The following MYO5B variants were observed in gnomAD, a reference collection of about 807,000 sequenced individuals.
The protein encoded by MYO5B is myosin VB.
A neutral mutation model predicts 229.3 loss-of-function variants in MYO5B; 143 were observed. That is an observed-to-expected ratio of 0.62 (90% CI 0.54 to 0.72). The LOEUF (loss-of-function observed/expected upper bound fraction) is 0.72. Among genes scored for constraint, MYO5B ranks in the 30% least tolerant of loss-of-function variants. MYO5B has a pLI of 0.00. For synonymous variants in MYO5B, 918 were observed against 885.2 expected (o/e 1.04, Z -0.66); for missense variants, 2,321 against 2,331.0 (o/e 1.00, Z 0.09).
At chr18:50,061,825 C>G (rs1466283557) in intron 1 of MYO5B, among the ~76,000 whole-genome samples, 1 of 152,206 alleles carries the variant, frequency 6.6e-6, no homozygotes, top group Admixed American at 6.5e-5. Context: ...CATTTGAAAC[C>G]TGCACTCCCT....
In MYO5B at chr18:49,934,024, C is replaced by T. The variant is rs372645984; in HGVS notation, c.2003+2228G>A. On this transcript the variant is annotated intron_variant, in intron 16 of 39. Coordinates refer to ENST00000285039, the MANE Select transcript of MYO5B (RefSeq NM_001080467.3). Reference sequence around the variant, plus strand: ...TGGAGTAGCTGGGACTATAGGCATGCACCACCATGCCCAGCTAATTTTAAA... The same window carrying T: ...TGGAGTAGCTGGGACTATAGGCATGTACCACCATGCCCAGCTAATTTTAAA... Among the ~76,000 whole-genome samples, 40 of 152,234 alleles carry T rather than the reference C, an allele frequency of 2.6e-4. 1 individual carries two copies. In the South Asian group the frequency reaches 6.2e-3, roughly 24 times the overall value.
chr18:50,049,356 C>G (rs1741142449), intron 2 of MYO5B, among the ~76,000 whole-genome samples: 1 of 152,204 alleles, frequency 6.6e-6, no homozygotes. Context: ...TGAAAAGCTA[C>G]TGATAAACTG....
intron 22 of MYO5B, among the ~76,000 whole-genome samples, chr18:49,886,670 G>T (rs1241707861): frequency 3.3e-5 from 5 of 151,876 alleles, no homozygotes; most frequent in Admixed American, 6.6e-5. Context: ...AATATTTATT[G>T]CCTATAATAA....
chr18:49,848,717 A>G (rs1439846011), intron 32 of MYO5B, among the ~76,000 whole-genome samples: 2 of 152,098 alleles, frequency 1.3e-5, no homozygotes, highest in African/African-American at 4.8e-5. Context: ...CTTTAGGAGT[A>G]AGCAAAGCTT....
chr18:50,057,368 T>C (rs1420296725), intron 1 of MYO5B, among the ~76,000 whole-genome samples: 1 of 152,210 alleles, frequency 6.6e-6, no homozygotes, highest in Non-Finnish European at 1.5e-5. Context: ...AAGTCTCCAC[T>C]CCATGTAAAT....
rs2024852817 is a variant in MYO5B at position 49,902,493 on chromosome 18, G to C, written c.2811+101C>G. 6 of 1,533,740 alleles carry C rather than the reference G, an allele frequency of 3.9e-6. No homozygotes were observed. The Admixed American group carries it at 8.4e-5, about 21-fold the overall frequency. On this transcript the variant is annotated intron_variant, in intron 21 of 39. Coordinates refer to ENST00000285039, the MANE Select transcript of MYO5B (RefSeq NM_001080467.3). ...GTCTGAGGACGTCTGTGCTCCCTCG[G>C]GTCTTCGGCATGTGCAGTTCCTCAA... is the stretch of plus-strand genomic sequence containing the variant.
intron 1 of MYO5B, among the ~76,000 whole-genome samples, chr18:50,065,428 C>T (rs184847953): frequency 1.3e-5 from 2 of 152,284 alleles, no homozygotes; most frequent in African/African-American, 2.4e-5. Flanking sequence ...AGGAAACTTA[C>T]AATCATGGCG....
At chr18:49,952,017 C>T (rs539433299) in intron 14 of MYO5B, among the ~76,000 whole-genome samples, 1 of 152,284 alleles carries the variant, frequency 6.6e-6, no homozygotes, top group South Asian at 2.1e-4. Flanking sequence ...CCAATTTGTC[C>T]CAGTGATGAC....
At chr18:49,909,689 G>A (rs1359556864) in intron 18 of MYO5B, among the ~76,000 whole-genome samples, 1 of 152,228 alleles carries the variant, frequency 6.6e-6, no homozygotes, top group Non-Finnish European at 1.5e-5. Context: ...ACACAATAAA[G>A]GAAGGGAGGA....
chr18:50,092,833 G>C (rs907844118), intron 1 of MYO5B, among the ~76,000 whole-genome samples: 24 of 152,186 alleles, frequency 1.6e-4, no homozygotes, highest in African/African-American at 5.8e-4. Flanking sequence ...TAAATGTCAA[G>C]AGTGTTAGAC....
At position 49,904,707 on chromosome 18, in the gene MYO5B, T is replaced by C. The variant is rs1407662748; in HGVS notation, c.2536A>G (p.Thr846Ala). The C allele has an allele frequency of 6.2e-7, 1 of 1,613,920 alleles. No homozygotes were observed. The highest frequency in any genetic ancestry group is 1.7e-5 in the Admixed American group (1 of 60,032). Residue 846 changes from threonine (T) to alanine (A), a missense_variant, in exon 20 of 40, where the codon ACC becomes GCC. Thr to Ala is a moderately conservative substitution (Grantham distance 58, BLOSUM62 0). Around this residue, in one of 2 missense-constraint regions of MYO5B, gnomAD observed 2,113 missense variants for 2,044.7 expected, o/e 1.03. Transcript: ENST00000285039. ...GTTCTCCGCACAAACATGGCCCGGG[T>C]GAAGGCCTGGATAACAACGGCAGCT... ...RRAAVVIQAF[T>A]RAMFVRRTYR...
intron 33 of MYO5B, among the ~76,000 whole-genome samples, chr18:49,846,805 A>G (rs1458591913): frequency 1.3e-5 from 2 of 152,132 alleles, no homozygotes; most frequent in African/African-American, 2.4e-5. Context: ...TTGCCAAAGC[A>G]CTGTGGCCTG....
intron 1 of MYO5B, among the ~76,000 whole-genome samples, chr18:50,139,116 A>C (rs2032379697): frequency 6.6e-6 from 1 of 152,248 alleles, no homozygotes; most frequent in Non-Finnish European, 1.5e-5. Context: ...AGGGCCAGGA[A>C]ATATTTAGGT....
chr18:49,893,419 G>C (rs2024738922), intron 22 of MYO5B, among the ~76,000 whole-genome samples: 1 of 152,152 alleles, frequency 6.6e-6, no homozygotes, highest in African/African-American at 2.4e-5. Flanking sequence ...TGCTCCCAAG[G>C]GTAGACAAAC....
At chr18:49,940,928 CA>C (rs1234162443) in intron 14 of MYO5B, among the ~76,000 whole-genome samples, 6 of 152,180 alleles carry the variant, frequency 3.9e-5, no homozygotes, top group South Asian at 4.2e-4. Context: ...TAAAAACATA[CA>C]AAAAAATTAG....
intron 1 of MYO5B, among the ~76,000 whole-genome samples, chr18:50,134,583 A>T (rs1342735153): frequency 9.9e-5 from 15 of 151,444 alleles, no homozygotes; most frequent in Admixed American, 8.5e-4. Flanking sequence ...TAAATAAATA[A>T]ATAAATAAAT....
intron 14 of MYO5B, chr18:49,946,123 A>G (rs1053137123): frequency 3.3e-5 from 5 of 152,084 alleles, no homozygotes; most frequent in African/African-American, 1.2e-4. Flanking sequence ...ACTGTAAAAA[A>G]AAAAAAAATA....
chr18:49,946,681 TA>T (rs2025376977), intron 14 of MYO5B, among the ~76,000 whole-genome samples: 1 of 117,990 alleles, frequency 8.5e-6, no homozygotes, highest in Admixed American at 8.5e-5. Context: ...GGAATCAACA[TA>T]ATCAAGGTTT....
rs1371208048 is a variant in MYO5B, at chr18:49,826,774, C to T, written c.5395-151G>A. The T allele has an allele frequency of 6.3e-6, 6 of 951,898 alleles. No homozygotes were observed. In the Admixed American group the frequency reaches 1.2e-4, roughly 19 times the overall value. The allele number at this position is 951,898 out of a possible 1,614,324, so 59.0% of individuals were successfully genotyped here. A position where few individuals can be genotyped will look rare whatever the true frequency, so the allele number is the denominator to read the frequency against. ...GGACTAGGAGAATGTGATCTCCTCACCCTTGAGGTATTTAGTGGGGAGAGA... is the reference window on the plus strand; with the variant it reads ...GGACTAGGAGAATGTGATCTCCTCATCCTTGAGGTATTTAGTGGGGAGAGA... On this transcript the variant is annotated intron_variant, in intron 39 of 39. Coordinates refer to ENST00000285039, the MANE Select transcript of MYO5B (RefSeq NM_001080467.3).
Sources: gnomAD v4.1 joint callset for allele counts (sites outside exome capture counted in the v4.1 genomes callset) on GRCh38, gnomAD v4.1.1 for gene constraint, gnomAD v4.1.1 regional missense constraint, MANE v1.5 for transcripts, NCBI Gene and HGNC (gene_info 2026-07-23, HGNC 2026-07-21) for gene names.